PTPRM: variants seen among roughly 807,000 people sequenced by gnomAD.
PTPRM encodes protein tyrosine phosphatase receptor type M.
Under a neutral mutation model 186.7 loss-of-function variants are expected in PTPRM, and 47 were observed. That is an observed-to-expected ratio of 0.25 (90% CI 0.20 to 0.32). The LOEUF (loss-of-function observed/expected upper bound fraction) is 0.32. PTPRM is among the 10% of genes least tolerant of loss of function. PTPRM has a pLI of 1.00. For synonymous variants in PTPRM, 668 were observed against 674.9 expected (o/e 0.99, Z 0.16); for missense variants, 1,494 against 1,865.0 (o/e 0.80, Z 3.66).
At chr18:8,266,390 T>C (rs2094701451) in intron 19 of PTPRM, among the ~76,000 whole-genome samples, 1 of 148,424 alleles carries the variant, frequency 6.7e-6, no homozygotes, top group Non-Finnish European at 1.5e-5. Context: ...GAATCGTGAA[T>C]GATAAGGAAA....
At chr18:8,110,977 G>A (rs1315729558) in intron 11 of PTPRM, among the ~76,000 whole-genome samples, 1 of 152,188 alleles carries the variant, frequency 6.6e-6, no homozygotes, top group Non-Finnish European at 1.5e-5. Flanking sequence ...ACCTGTGAAT[G>A]AGGAATGCCA....
At chr18:7,990,759 T>C (rs187357819) in intron 7 of PTPRM, among the ~76,000 whole-genome samples, 1 of 152,088 alleles carries the variant, frequency 6.6e-6, no homozygotes, top group African/African-American at 2.4e-5. Context: ...TTTTTAAAAG[T>C]TGTTTTTTTC....
intron 1 of PTPRM, among the ~76,000 whole-genome samples, chr18:7,576,491 A>C (rs1428654982): frequency 6.6e-6 from 1 of 151,974 alleles, no homozygotes; most frequent in African/African-American, 2.4e-5. Context: ...TTTTTTCTCA[A>C]GGCGTCTTGC....
At chr18:8,081,163 G>A (rs932028359) in intron 9 of PTPRM, among the ~76,000 whole-genome samples, 4 of 151,992 alleles carry the variant, frequency 2.6e-5, no homozygotes, top group African/African-American at 9.7e-5. Flanking sequence ...ATTCTATCTT[G>A]GTTTCCCATG....
chr18:7,845,798 G>A (rs2046564428), intron 2 of PTPRM, among the ~76,000 whole-genome samples: 1 of 152,046 alleles, frequency 6.6e-6, no homozygotes, highest in African/African-American at 2.4e-5. Flanking sequence ...TTGCAGGTGG[G>A]ATTCCCTGGG....
chr18:7,915,522 G>A (rs537771133), intron 4 of PTPRM, among the ~76,000 whole-genome samples: 227 of 152,222 alleles, frequency 1.5e-3, no homozygotes, highest in African/African-American at 5.1e-3. Flanking sequence ...CTCTTTTCCA[G>A]GTTCCAGTGA....
At chr18:8,222,089 G>A (rs1117757) in intron 14 of PTPRM, among the ~76,000 whole-genome samples, 83,722 of 151,838 alleles carry the variant, frequency 0.55, 23,681 homozygotes, top group East Asian at 0.77. Flanking sequence ...TCTTTGCTCA[G>A]TTAAACTCCA....
chr18:7,887,120 A>G (rs77224081), intron 2 of PTPRM, among the ~76,000 whole-genome samples: 2,657 of 152,250 alleles, frequency 0.017, 74 homozygotes, highest in African/African-American at 0.061. Context: ...CTCCAAGTTC[A>G]GGTGTACTTG....
intron 32 of PTPRM, among the ~76,000 whole-genome samples, chr18:8,401,721 G>C (rs558858492): frequency 2.0e-5 from 3 of 152,352 alleles, no homozygotes; most frequent in African/African-American, 7.2e-5. Flanking sequence ...CCTGACGGAG[G>C]CCCCCAGTGC....
Position 7,720,486 on chromosome 18 carries a change from G to A in PTPRM, c.74-53663G>A, listed in dbSNP as rs1003739931. Among the ~76,000 whole-genome samples the A allele has an allele frequency of 3.3e-5, 5 of 152,210 alleles. No homozygotes were observed. In the East Asian group the frequency reaches 9.6e-4, roughly 29 times the overall value. ...AATTAATAGACTATGTTTGATTGTG[G>A]TAAAATCCATACTACATAAAATTTG... On this transcript the variant is annotated intron_variant, in intron 1 of 32. Coordinates refer to ENST00000580170, the MANE Select transcript of PTPRM (RefSeq NM_001105244.2).
intron 7 of PTPRM, among the ~76,000 whole-genome samples, chr18:8,044,671 C>T (rs997514615): frequency 2.7e-5 from 4 of 149,576 alleles, no homozygotes; most frequent in Non-Finnish European, 4.4e-5. Context: ...GCAGGAGAAT[C>T]GCTTGAACCC....
intron 7 of PTPRM, among the ~76,000 whole-genome samples, chr18:7,983,088 G>A (rs9966320): frequency 0.086 from 13,022 of 151,806 alleles, 1,494 homozygotes; most frequent in African/African-American, 0.27. Context: ...TCAAACACAT[G>A]TACTTTCATA....
chr18:7,816,268 C>T (rs1425915676), intron 2 of PTPRM, among the ~76,000 whole-genome samples: 1 of 152,208 alleles, frequency 6.6e-6, no homozygotes, highest in Non-Finnish European at 1.5e-5. Context: ...AAGCTAGAGT[C>T]TCAGAGTTCA....
At chr18:7,927,898 G>A (rs913533578) in intron 5 of PTPRM, among the ~76,000 whole-genome samples, 8 of 151,824 alleles carry the variant, frequency 5.3e-5, no homozygotes, top group Non-Finnish European at 1.2e-4. Context: ...ATGCCACCAT[G>A]CTTGAGTAAT....
intron 14 of PTPRM, among the ~76,000 whole-genome samples, chr18:8,234,359 C>T (rs146710384): frequency 5.6e-4 from 86 of 152,242 alleles, no homozygotes; most frequent in African/African-American, 2.0e-3. Flanking sequence ...AATGGTATTA[C>T]GTCTTTAATG....
At chr18:7,830,768 G>T (rs191858879) in intron 2 of PTPRM, among the ~76,000 whole-genome samples, 4 of 152,304 alleles carry the variant, frequency 2.6e-5, no homozygotes, top group East Asian at 1.9e-4. Flanking sequence ...AAAGCTGAAG[G>T]ATAGAGAGGT....
intron 11 of PTPRM, among the ~76,000 whole-genome samples, chr18:8,096,538 C>T (rs2091026135): frequency 6.6e-6 from 1 of 152,150 alleles, no homozygotes; most frequent in South Asian, 2.1e-4. Flanking sequence ...TTTCCCTCAT[C>T]TAGATAGACC....
intron 5 of PTPRM, among the ~76,000 whole-genome samples, chr18:7,936,357 C>T (rs546045685): frequency 7.2e-5 from 11 of 152,324 alleles, no homozygotes; most frequent in African/African-American, 1.7e-4. Context: ...CTGCAGGCTT[C>T]GAAGTACCTG....
At chr18:8,102,366 A>C (rs1224248960) in intron 11 of PTPRM, among the ~76,000 whole-genome samples, 2 of 152,260 alleles carry the variant, frequency 1.3e-5, no homozygotes, top group Non-Finnish European at 2.9e-5. Flanking sequence ...CATTTTACCC[A>C]TAGTAGAACT....
Sources: allele counts gnomAD v4.1 joint callset (sites outside exome capture counted in the v4.1 genomes callset), GRCh38; gene constraint gnomAD v4.1.1; transcripts MANE v1.5; gene names NCBI Gene and HGNC (gene_info 2026-07-23, HGNC 2026-07-21).